The following CEP57L1 variants were observed in gnomAD, a reference collection of about 807,000 sequenced individuals.
CEP57L1 encodes centrosomal protein 57 like 1, also known as centrosomal protein CEP57L1.
In CEP57L1, 37 loss-of-function variants were observed where a neutral mutation model predicts 61.0. The observed-to-expected ratio is 0.61, with a 90% CI of 0.47 to 0.80. The LOEUF is 0.80. Ranked by LOEUF, CEP57L1 falls within the 30% of genes least tolerant of loss-of-function variation. CEP57L1 has a pLI of 0.00. For synonymous variants in CEP57L1, 137 were observed against 162.3 expected (o/e 0.84, Z 1.19); for missense variants, 422 against 524.7 (o/e 0.80, Z 1.91).
At chr6:109,103,734 A>G (rs1400147781) in intron 1 of CEP57L1, among the ~76,000 whole-genome samples, 1 of 152,122 alleles carries the variant, frequency 6.6e-6, no homozygotes, top group Non-Finnish European at 1.5e-5. Context: ...ATAATTGTTG[A>G]ATCTATTTTC....
At chr6:109,162,642 G>A in intron 10 of CEP57L1, 107 bp from the exon 11 acceptor site, 1 of 719,016 alleles carries the variant, frequency 1.4e-6, no homozygotes, top group South Asian at 2.0e-5. Flanking sequence ...ATTTTTTAAT[G>A]TTCAATTTTA....
rs2114981915 is a variant in CEP57L1, at chr6:109,166,044, G to A, written c.*3074G>A. Among the ~76,000 whole-genome samples, 1 of 152,326 alleles carries A rather than the reference G, an allele frequency of 6.6e-6. No homozygotes were observed. ...AAAGTTCCAGTGTTTGAAGCAGCAG[G>A]TATTGTGACTATATTCTGATACTGG... On this transcript the variant is annotated 3_prime_UTR_variant, in exon 11 of 11. Transcript: ENST00000517392.
At chr6:109,159,197 A>G (rs1341900812) in intron 8 of CEP57L1, 72 bp from the exon 9 acceptor site, 1 of 1,613,486 alleles carries the variant, frequency 6.2e-7, no homozygotes, top group Non-Finnish European at 8.5e-7. Context: ...AATTATTCTC[A>G]GTTGTTTCTT....
chr6:109,106,899 C>T (rs1473760735), intron 1 of CEP57L1, among the ~76,000 whole-genome samples: 3 of 152,158 alleles, frequency 2.0e-5, no homozygotes, highest in Non-Finnish European at 2.9e-5. Context: ...GAAATCGCAC[C>T]ACTTCACTCC....
At chr6:109,096,367 A>T (rs1317801779) in intron 1 of CEP57L1, among the ~76,000 whole-genome samples, 1 of 152,212 alleles carries the variant, frequency 6.6e-6, no homozygotes. Context: ...ACAATAATAC[A>T]TGATATCACT....
Position 109,146,758 on chromosome 6 carries a change from C to T in CEP57L1, c.161C>T (p.Ala54Val). The T allele has an allele frequency of 6.4e-7, 1 of 1,550,424 alleles. No individual in the cohort carries two copies. Among genetic ancestry groups the T allele is most frequent in the Non-Finnish European group, 8.7e-7 (1 of 1,154,534 alleles). ...PKILHSPNSQ[A>V]LILALKTLQE... Reference sequence around the variant, plus strand: ...TATCAACAAAATTTTTTTTCAACAGCTCTTATTTTAGCCTTAAAAACTCTT... The same window carrying T: ...TATCAACAAAATTTTTTTTCAACAGTTCTTATTTTAGCCTTAAAAACTCTT... The change falls in exon 3 of 11, where the codon GCT becomes GTT. Residue 54 changes from alanine to valine, a missense_variant and splice_region_variant. Transcript: ENST00000517392.
At chr6:109,104,750 T>C (rs1770722231) in intron 1 of CEP57L1, among the ~76,000 whole-genome samples, 1 of 151,984 alleles carries the variant, frequency 6.6e-6, no homozygotes. Context: ...ACCCAGCTAA[T>C]TAAAAAATTT....
intron 1 of CEP57L1, among the ~76,000 whole-genome samples, chr6:109,113,011 A>G (rs980487035): frequency 6.6e-6 from 1 of 152,144 alleles, no homozygotes; most frequent in East Asian, 1.9e-4. Flanking sequence ...AGAGTTCTGT[A>G]GATGTCTCTT....
chr6:109,171,632 G>C lies in CEP57L1; in HGVS notation c.*8662G>C, dbSNP rs1261904135. ...AAATAAAAAACATAAACCACTAAAA[G>C]ATTAAAGCATTTAGGAGTTTATATG... On this transcript the variant is annotated 3_prime_UTR_variant, in exon 11 of 11. Coordinates refer to ENST00000517392, the MANE Select transcript of CEP57L1 (RefSeq NM_001271852.3). Among the ~76,000 whole-genome samples, 1 of 152,112 alleles carries C rather than the reference G, an allele frequency of 6.6e-6. No homozygotes were observed. Among genetic ancestry groups the C allele is most frequent in the African/African-American group, 2.4e-5 (1 of 41,416 alleles).
intron 1 of CEP57L1, among the ~76,000 whole-genome samples, chr6:109,096,155 G>A (rs374980070): frequency 1.2e-4 from 19 of 152,208 alleles, no homozygotes; most frequent in South Asian, 1.0e-3. Flanking sequence ...AAATTAGTTT[G>A]CTTTTAAAAA....
rs542509873 is a variant in CEP57L1, at chr6:109,148,454, T to A, written c.340+1517T>A. On this transcript the variant is annotated intron_variant, in intron 3 of 10. Coordinates refer to ENST00000517392, the MANE Select transcript of CEP57L1 (RefSeq NM_001271852.3). The stretch of plus-strand genomic sequence containing the variant: ...CCCTACAAAGGACATGAACTCATCC[T>A]TTTTTATGGCTGCATAGTATTCCAT... Among the ~76,000 whole-genome samples, 241 of 152,306 alleles carry A rather than the reference T, an allele frequency of 1.6e-3. 3 individuals carry two copies. Among genetic ancestry groups the A allele is most frequent in the African/African-American group, 5.6e-3 (234 of 41,564 alleles).
intron 3 of CEP57L1, among the ~76,000 whole-genome samples, chr6:109,147,742 T>C (rs1021267093): frequency 1.3e-5 from 2 of 152,178 alleles, no homozygotes; most frequent in Non-Finnish European, 1.5e-5. Context: ...GGTAGATGCA[T>C]ATACTTGAGT....
In CEP57L1 at chr6:109,160,623, C is replaced by A; in HGVS notation, c.1068C>A (p.Val356=). 6.2e-7 allele frequency: 1 copy of A among 1,606,316 alleles called. No individual in the cohort carries two copies. The highest frequency in any genetic ancestry group is 1.1e-5 in the South Asian group (1 of 88,982). The change falls in exon 10 of 11, where the codon GTC becomes GTA. Residue 356 remains valine (V), a synonymous_variant. Coordinates refer to ENST00000517392, the MANE Select transcript of CEP57L1 (RefSeq NM_001271852.3). The part of the protein sequence containing the change: ...KQMKETESHS[V]CDDIECELEC... Reference sequence around the variant, plus strand: ...TGAAGGAAACTGAAAGTCATTCAGTCTGTGACGACATAGAATGTGAACTAG... The same window carrying A: ...TGAAGGAAACTGAAAGTCATTCAGTATGTGACGACATAGAATGTGAACTAG...
chr6:109,147,245 A>G (rs1268749098), intron 3 of CEP57L1, among the ~76,000 whole-genome samples: 1 of 152,110 alleles, frequency 6.6e-6, no homozygotes, highest in East Asian at 1.9e-4. Context: ...TTAACCCGTA[A>G]TTGAATATTT....
At chr6:109,152,633 G>A (rs1044821843) in intron 4 of CEP57L1, among the ~76,000 whole-genome samples, 5 of 74,646 alleles carry the variant, frequency 6.7e-5, no homozygotes, top group East Asian at 8.3e-4. Context: ...ATAGATGTGC[G>A]TGCGTGTGTG....
rs1773766504 is a variant in CEP57L1 at position 109,127,966 on chromosome 6, A to T, written c.-3-17253A>T. 2.0e-5 allele frequency among the ~76,000 whole-genome samples: 3 copies of T among 152,038 alleles called. 1 individual carries two copies. In the South Asian group the frequency reaches 6.2e-4, roughly 32 times the overall value. Reference sequence around the variant, plus strand: ...TTAACCTTTTATAAAATTTTGTCTCAACACATCTGAGGAGGACTAACAATG... The same window carrying T: ...TTAACCTTTTATAAAATTTTGTCTCTACACATCTGAGGAGGACTAACAATG... On this transcript the variant is annotated intron_variant, in intron 1 of 10. Coordinates refer to ENST00000517392, the MANE Select transcript of CEP57L1 (RefSeq NM_001271852.3).
At chr6:109,101,478 A>G (rs1443969142) in intron 1 of CEP57L1, among the ~76,000 whole-genome samples, 2 of 152,202 alleles carry the variant, frequency 1.3e-5, no homozygotes, top group Non-Finnish European at 2.9e-5. Context: ...TTTATCAATT[A>G]TGAATAAAGT....
rs573024481 is a variant in CEP57L1, at chr6:109,167,681, C to CA, written c.*4722dup. Among the ~76,000 whole-genome samples the CA allele has an allele frequency of 0.054, 6,874 of 126,752 alleles. 192 individuals are homozygous for CA. The highest frequency in any genetic ancestry group is 0.079 in the African/African-American group (2,650 of 33,528). 83.2% of individuals were successfully genotyped at this position (126,752 alleles called of 152,430 possible). A position where few individuals can be genotyped will look rare whatever the true frequency, so the allele number is the denominator to read the frequency against. On this transcript the variant is annotated 3_prime_UTR_variant, in exon 11 of 11. Coordinates refer to ENST00000517392, the MANE Select transcript of CEP57L1 (RefSeq NM_001271852.3). ...AACAGAGCAAGACTCTGCCTCAAAG[C>CA]AAAAAAAAAAAGAAAAGAAAAGAAA...
intron 1 of CEP57L1, among the ~76,000 whole-genome samples, chr6:109,127,723 C>T (rs929993388): frequency 6.6e-6 from 1 of 151,890 alleles, no homozygotes; most frequent in Non-Finnish European, 1.5e-5. Context: ...TGGGTTCAAG[C>T]GATTCTCCTG....
Sources: gnomAD v4.1 joint callset for allele counts (sites outside exome capture counted in the v4.1 genomes callset) on GRCh38, gnomAD v4.1.1 for gene constraint, MANE v1.5 for transcripts, NCBI Gene and HGNC (gene_info 2026-07-23, HGNC 2026-07-21) for gene names.